Variants in SUGP1 observed in about 807,000 individuals in gnomAD.
The protein encoded by SUGP1 is SURP and G-patch domain-containing protein 1.
A neutral mutation model predicts 76.5 loss-of-function variants in SUGP1; 34 were observed. The ratio of observed to expected loss-of-function variants is 0.44; its 90% CI spans 0.34 to 0.59. The LOEUF is 0.59. Among genes scored for constraint, SUGP1 ranks in the 20% least tolerant of loss-of-function variants. The pLI is 0.01. For missense variants in SUGP1, 752 were observed against 851.7 expected, an observed-to-expected ratio of 0.88 and a Z score of 1.46; for synonymous variants, 326 against 326.2, an observed-to-expected ratio of 1.00 and a Z score of 0.01.
chr19:19,315,096 G>C (rs1464265635), intron 2 of SUGP1, among the ~76,000 whole-genome samples: 3 of 152,210 alleles, frequency 2.0e-5, no homozygotes, highest in African/African-American at 7.2e-5. Context: ...GGAGGCCAAG[G>C]TGGGAGGATC....
In SUGP1 at chr19:19,297,009, G is replaced by A. The variant is rs1157817011; in HGVS notation, c.1223C>T (p.Ala408Val). The A allele has an allele frequency of 5.7e-6, 9 of 1,584,264 alleles. No individual in the cohort carries two copies. The highest frequency in any genetic ancestry group is 7.8e-6 in the Non-Finnish European group (9 of 1,159,024). ...PAELVQRDVD[A>V]SPSPLSVQDL... ...CCCACCTGACAGAGGCGAGGGAGAGGCATCCACGTCCCTCTGCACCAGTTC... is the reference window on the plus strand; with the variant it reads ...CCCACCTGACAGAGGCGAGGGAGAGACATCCACGTCCCTCTGCACCAGTTC... Residue 408 changes from alanine (A) to valine (V), a missense_variant, in exon 8 of 14, where the codon GCC (alanine) becomes GTC (valine). Coordinates refer to ENST00000247001, the MANE Select transcript of SUGP1 (RefSeq NM_172231.4).
At chr19:19,294,669 T>G (rs1316573324) in intron 8 of SUGP1, among the ~76,000 whole-genome samples, 1 of 150,894 alleles carries the variant, frequency 6.6e-6, no homozygotes, top group African/African-American at 2.4e-5. Context: ...GAAGAAAAAA[T>G]AGATACATTT....
At chr19:19,316,957 G>C (rs2061398703) in intron 1 of SUGP1, among the ~76,000 whole-genome samples, 1 of 152,122 alleles carries the variant, frequency 6.6e-6, no homozygotes, top group Admixed American at 6.5e-5. Context: ...GGCCAACGTG[G>C]TGAAACCCTG....
At position 19,301,952 on chromosome 19, in the gene SUGP1, C is replaced by T. The variant is rs189121641; in HGVS notation, c.887+313G>A. On this transcript the variant is annotated intron_variant, in intron 7 of 13. Coordinates refer to ENST00000247001, the MANE Select transcript of SUGP1 (RefSeq NM_172231.4). ...TCCACTTGAGAGCCTGACTTGCCCCCGGCCAAGGGCTGCTGTGTGTCCCAA... is the reference window on the plus strand; with the variant it reads ...TCCACTTGAGAGCCTGACTTGCCCCTGGCCAAGGGCTGCTGTGTGTCCCAA... The T allele has an allele frequency of 2.0e-3, 711 of 364,524 alleles. 15 individuals carry two copies. The Admixed American group carries it at 0.029, about 15-fold the overall frequency. The allele number at this position is 364,524 out of a possible 1,614,324, so 22.6% of individuals were successfully genotyped here. A position where few individuals can be genotyped will look rare whatever the true frequency, so the allele number is the denominator to read the frequency against.
chr19:19,307,528 G>A (rs1324238368), intron 3 of SUGP1, among the ~76,000 whole-genome samples: 2 of 152,172 alleles, frequency 1.3e-5, no homozygotes, highest in African/African-American at 4.8e-5. Context: ...TGCATAAAGG[G>A]TCAAACATCT....
At chr19:19,314,760 T>C (rs970777078) in intron 2 of SUGP1, among the ~76,000 whole-genome samples, 8 of 152,070 alleles carry the variant, frequency 5.3e-5, no homozygotes, top group African/African-American at 1.9e-4. Flanking sequence ...CTTGGCCGGG[T>C]GCAGTGGCTC....
In SUGP1 at chr19:19,277,000, C is replaced by G. The variant is rs1243933383; in HGVS notation, c.1858G>C (p.Glu620Gln). The change falls in exon 13 of 14, where the codon GAG becomes CAG. Residue 620 changes from glutamate (E) to glutamine (Q), a missense_variant. Coordinates refer to ENST00000247001, the MANE Select transcript of SUGP1 (RefSeq NM_172231.4). ...AGCATCATCCTCTTGCGGAACGCCT[C>G]ATACTCGTCGTCCTCCTTGGAGAGC... The part of the protein sequence containing the change: ...AELSKEDDEY[E>Q]AFRKRMMLAY... 1 of 1,612,994 alleles carries G rather than the reference C, an allele frequency of 6.2e-7. No individual in the cohort carries two copies. The highest frequency in any genetic ancestry group is 8.5e-7 in the Non-Finnish European group (1 of 1,180,042).
chr19:19,279,144 G>T, intron 10 of SUGP1, 69 bp downstream of exon 10: 1 of 1,455,702 alleles, frequency 6.9e-7, no homozygotes, highest in Non-Finnish European at 9.1e-7. Context: ...GCGCATCCAG[G>T]TAACCTTCCA....
intron 1 of SUGP1, among the ~76,000 whole-genome samples, chr19:19,319,541 T>C (rs1320010231): frequency 6.6e-6 from 1 of 151,514 alleles, no homozygotes; most frequent in African/African-American, 2.4e-5. Context: ...ATTCCAGACC[T>C]GCATGGGAAA....
At chr19:19,318,302 T>C (rs773686048) in intron 1 of SUGP1, among the ~76,000 whole-genome samples, 16 of 151,686 alleles carry the variant, frequency 1.1e-4, no homozygotes, top group Non-Finnish European at 1.9e-4. Context: ...ATATTTTTAG[T>C]AGAGATGGGG....
intron 1 of SUGP1, among the ~76,000 whole-genome samples, chr19:19,317,284 AAAT>A (rs2061401839): frequency 6.6e-6 from 1 of 152,190 alleles, no homozygotes; most frequent in African/African-American, 2.4e-5. Context: ...CAGAAAAAAC[AAAT>A]AAGAAGCCAG....
intron 1 of SUGP1, among the ~76,000 whole-genome samples, chr19:19,320,064 A>G (rs931033482): frequency 6.6e-6 from 1 of 152,220 alleles, no homozygotes; most frequent in Admixed American, 6.5e-5. Flanking sequence ...GGGAGCCTCA[A>G]AGCACTTCGG....
intron 8 of SUGP1, among the ~76,000 whole-genome samples, chr19:19,293,465 T>C (rs1302827147): frequency 6.6e-6 from 1 of 151,748 alleles, no homozygotes; most frequent in Non-Finnish European, 1.5e-5. Flanking sequence ...GCACCTGTAG[T>C]CCCAGGTACT....
At chr19:19,302,533 G>C in intron 6 of SUGP1, 145 bp from the exon 7 acceptor site, 1 of 1,180,600 alleles carries the variant, frequency 8.5e-7, no homozygotes, top group Non-Finnish European at 1.2e-6. Flanking sequence ...TACTACACTG[G>C]GACCAGATGC....
At chr19:19,280,783 G>T (rs2061092634) in intron 8 of SUGP1, 1 of 153,350 alleles carries the variant, frequency 6.5e-6, no homozygotes, top group African/African-American at 2.4e-5. Context: ...AGCTCCTTCA[G>T]GGGAGGCAGC....
intron 2 of SUGP1, among the ~76,000 whole-genome samples, chr19:19,315,456 G>C (rs2061386838): frequency 6.6e-6 from 1 of 152,134 alleles, no homozygotes. Context: ...GAAAAGCTTG[G>C]ATCTGGTCAC....
At chr19:19,279,167 G>A (rs774452416) in intron 10 of SUGP1, 46 bp downstream of exon 10, 11 of 1,516,046 alleles carry the variant, frequency 7.3e-6, no homozygotes, top group Non-Finnish European at 8.8e-6. Context: ...GCAGGTGAGG[G>A]GGGCCATGCC....
At position 19,316,710 on chromosome 19, in the gene SUGP1, T is replaced by C. The variant is rs529368645; in HGVS notation, c.35-117A>G. The C allele has an allele frequency of 3.2e-5, 37 of 1,144,708 alleles. No homozygotes were observed. The African/African-American group carries it at 5.1e-4, about 16-fold the overall frequency. The allele number at this position is 1,144,708 out of a possible 1,614,324, so 70.9% of individuals were successfully genotyped here. ...ATTAATTTATATGTCTATTAGTTCA[T>C]TTATTCAGCAAACACTTACAGAGTG... is the stretch of plus-strand genomic sequence containing the variant. On this transcript the variant is annotated intron_variant, in intron 1 of 13. Transcript: ENST00000247001.
At chr19:19,279,084 A>G in intron 10 of SUGP1, 129 bp downstream of exon 10, 1 of 1,087,306 alleles carries the variant, frequency 9.2e-7, no homozygotes, top group Non-Finnish European at 1.3e-6. Flanking sequence ...TCACAGCCAC[A>G]GGAAGCAGGC....
Sources: allele counts gnomAD v4.1 joint callset (sites outside exome capture counted in the v4.1 genomes callset), GRCh38; gene constraint gnomAD v4.1.1; transcripts MANE v1.5; gene names NCBI Gene and HGNC (gene_info 2026-07-23, HGNC 2026-07-21).